The following PRPF18 variants were observed in gnomAD, a reference collection of about 807,000 sequenced individuals.
PRPF18 encodes the protein pre-mRNA-splicing factor 18.
In PRPF18, 38 loss-of-function variants were observed where a neutral mutation model predicts 46.5. The ratio of observed to expected loss-of-function variants is 0.82; its 90% CI spans 0.63 to 1.07. The LOEUF (loss-of-function observed/expected upper bound fraction) is 1.07, where lower values mean the gene tolerates loss of function less well. PRPF18 is among the 50% of genes least tolerant of loss of function. The pLI, the probability that PRPF18 is intolerant of heterozygous loss-of-function variation, is 0.00. For missense variants in PRPF18, 263 were observed against 410.0 expected (o/e 0.64, Z 3.10); for synonymous variants, 152 against 146.7 (o/e 1.04, Z -0.26).
At chr10:13,652,326 T>G in the PRPF18 span, 7 of 311,672 alleles carry the variant, frequency 2.2e-5, no homozygotes, top group East Asian at 7.6e-5. Flanking sequence ...CCATCTTAAG[T>G]GCATAGGACC....
Position 13,604,455 on chromosome 10 carries a change from C to A in PRPF18, c.250-1176C>A, listed in dbSNP as rs191204758. Among the ~76,000 whole-genome samples the A allele has an allele frequency of 6.6e-5, 10 of 152,220 alleles. No homozygotes were observed. In the East Asian group the frequency reaches 1.7e-3, roughly 26 times the overall value. ...ATTATAAAATAAATATTCATGTAAC[C>A]ATCACCCAAGTTTGGAAATAGATTT... is the stretch of plus-strand genomic sequence containing the variant. On this transcript the variant is annotated intron_variant, in intron 3 of 9. Transcript: ENST00000378572.
chr10:13,643,108 C>T, the PRPF18 span: 6 of 152,326 alleles, frequency 3.9e-5, no homozygotes, highest in African/African-American at 1.4e-4. Flanking sequence ...CTTGCAGTCC[C>T]CATAGGCGCT....
downstream of PRPF18, among the ~76,000 whole-genome samples, chr10:13,633,963 T>A (rs995064670): frequency 3.3e-5 from 5 of 152,224 alleles, no homozygotes; most frequent in African/African-American, 9.6e-5. Flanking sequence ...TTCCATTGGC[T>A]GAACTATAAC....
chr10:13,615,156 T>A (rs996063770), intron 8 of PRPF18, among the ~76,000 whole-genome samples: 3 of 152,254 alleles, frequency 2.0e-5, no homozygotes, highest in African/African-American at 7.2e-5. Flanking sequence ...TTACTAAGGA[T>A]GGTTGCATTG....
At chr10:13,643,757 A>G in the PRPF18 span, 1 of 152,664 alleles carries the variant, frequency 6.6e-6, no homozygotes, top group Non-Finnish European at 1.5e-5. Context: ...TGTTTTGCAA[A>G]ATGTAAAGGT....
At chr10:13,612,311 C>T (rs958221171) in intron 6 of PRPF18, among the ~76,000 whole-genome samples, 5 of 152,058 alleles carry the variant, frequency 3.3e-5, no homozygotes, top group South Asian at 4.2e-4. Context: ...CTTGCTCTGT[C>T]GCCCAGGCTG....
At chr10:13,597,769 C>A in intron 2 of PRPF18, 3 of 951,200 alleles carry the variant, frequency 3.2e-6, no homozygotes, top group Non-Finnish European at 4.6e-6. Context: ...TTGTGGACGG[C>A]ATGAAGTGGC....
intron 4 of PRPF18, among the ~76,000 whole-genome samples, chr10:13,607,917 C>G (rs1216147890): frequency 6.6e-6 from 1 of 152,138 alleles, no homozygotes; most frequent in Non-Finnish European, 1.5e-5. Context: ...TATTGTTTTG[C>G]TTTCATGGTA....
chr10:13,649,790 G>GT, the PRPF18 span, among the ~76,000 whole-genome samples: 1 of 152,232 alleles, frequency 6.6e-6, no homozygotes, highest in Non-Finnish European at 1.5e-5. Flanking sequence ...GGAATGCCAT[G>GT]TGCTACGAAA....
intron 6 of PRPF18, among the ~76,000 whole-genome samples, chr10:13,613,234 G>A (rs1292361000): frequency 6.6e-6 from 1 of 152,064 alleles, no homozygotes; most frequent in Non-Finnish European, 1.5e-5. Context: ...GGGGCACTGA[G>A]GTAGTTATCT....
chr10:13,629,725 C>G (rs955783978), intron 9 of PRPF18, among the ~76,000 whole-genome samples: 1 of 152,220 alleles, frequency 6.6e-6, no homozygotes, highest in Non-Finnish European at 1.5e-5. Context: ...CGGCCTTTCC[C>G]AACCAGAGCC....
At chr10:13,626,890 C>G (rs1020550711) in intron 9 of PRPF18, among the ~76,000 whole-genome samples, 1 of 151,936 alleles carries the variant, frequency 6.6e-6, no homozygotes, top group East Asian at 1.9e-4. Context: ...CATATCCTAT[C>G]CATGTCAAAG....
At chr10:13,613,524 G>A (rs1179667835) in intron 6 of PRPF18, among the ~76,000 whole-genome samples, 1 of 152,226 alleles carries the variant, frequency 6.6e-6, no homozygotes, top group Non-Finnish European at 1.5e-5. Context: ...AGGAATAGAT[G>A]TAGACTAGGG....
chr10:13,645,309 T>G, the PRPF18 span: 1 of 151,976 alleles, frequency 6.6e-6, no homozygotes, highest in Non-Finnish European at 1.5e-5. Context: ...TGTCCCTGGC[T>G]GTCAATGCCT....
intron 4 of PRPF18, among the ~76,000 whole-genome samples, chr10:13,606,732 T>TCAAAAA (rs2080190203): frequency 4.5e-5 from 1 of 22,104 alleles, no homozygotes; most frequent in Admixed American, 7.8e-4. Context: ...AGACTCCTTC[T>TCAAAAA]CAAAAAAAAA....
downstream of PRPF18, among the ~76,000 whole-genome samples, chr10:13,635,509 C>A (rs1293581005): frequency 6.6e-6 from 1 of 152,208 alleles, no homozygotes; most frequent in Non-Finnish European, 1.5e-5. Context: ...TACACTCCCA[C>A]CAATAGTATA....
chr10:13,605,824 A>G, intron 4 of PRPF18, 80 bp downstream of exon 4: 1 of 1,449,958 alleles, frequency 6.9e-7, no homozygotes. Flanking sequence ...GCATTATTGT[A>G]GGCAACAATG....
At chr10:13,618,611 C>T (rs1383040901) in intron 9 of PRPF18, among the ~76,000 whole-genome samples, 1 of 109,864 alleles carries the variant, frequency 9.1e-6, no homozygotes, top group African/African-American at 3.6e-5. Context: ...GAGCAAGACC[C>T]TGTCAAAAAA....
intron 3 of PRPF18, 111 bp downstream of exon 3, chr10:13,600,459 T>C (rs894831967): frequency 2.7e-6 from 2 of 752,978 alleles, no homozygotes; most frequent in Non-Finnish European, 4.0e-6. Context: ...AAATGACTTA[T>C]CTAAAAATGC....
Sources: allele counts gnomAD v4.1 joint callset (sites outside exome capture counted in the v4.1 genomes callset), GRCh38; gene constraint gnomAD v4.1.1; transcripts MANE v1.5; gene names NCBI Gene and HGNC (gene_info 2026-07-23, HGNC 2026-07-21).